SLC35F3: variants seen among roughly 807,000 people sequenced by gnomAD.
The protein encoded by SLC35F3 is solute carrier family 35 member F3.
A neutral mutation model predicts 49.9 loss-of-function variants in SLC35F3; 25 were observed. The observed-to-expected ratio is 0.50, with a 90% CI of 0.37 to 0.70. The LOEUF (loss-of-function observed/expected upper bound fraction) is 0.70. Ranked by LOEUF, SLC35F3 falls within the 30% of genes least tolerant of loss-of-function variation. The pLI is 0.00. For missense variants in SLC35F3, 525 were observed against 639.8 expected (o/e 0.82, Z 1.94); for synonymous variants, 275 against 265.4 (o/e 1.04, Z -0.35).
intron 2 of SLC35F3, among the ~76,000 whole-genome samples, chr1:233,988,535 T>C (rs1263987514): frequency 6.6e-6 from 1 of 152,208 alleles, no homozygotes; most frequent in African/African-American, 2.4e-5. Flanking sequence ...TCTGAGCTCT[T>C]TGAGGGTCCT....
At chr1:234,060,824 T>A (rs779231777) in intron 2 of SLC35F3, among the ~76,000 whole-genome samples, 11 of 152,190 alleles carry the variant, frequency 7.2e-5, no homozygotes, top group Non-Finnish European at 1.2e-4. Flanking sequence ...TCCTGTGTAT[T>A]TGAGTTACAA....
chr1:233,923,255 T>C (rs1662098629), intron 2 of SLC35F3, among the ~76,000 whole-genome samples: 2 of 152,144 alleles, frequency 1.3e-5, no homozygotes, highest in Non-Finnish European at 2.9e-5. Flanking sequence ...GCCATTTTCA[T>C]GATATTGATT....
At chr1:233,990,430 C>G (rs190465375) in intron 2 of SLC35F3, among the ~76,000 whole-genome samples, 168 of 152,190 alleles carry the variant, frequency 1.1e-3, no homozygotes, top group Non-Finnish European at 1.8e-3. Context: ...TCTATTTTTT[C>G]CATTGTTTCT....
intron 2 of SLC35F3, among the ~76,000 whole-genome samples, chr1:233,945,880 A>G (rs1047341081): frequency 6.6e-6 from 1 of 152,232 alleles, no homozygotes; most frequent in Non-Finnish European, 1.5e-5. Flanking sequence ...CAGCAATCTC[A>G]GGTATGTCTT....
rs374573404 is a variant in SLC35F3 at position 234,075,755 on chromosome 1, A to AGCTGCCTTTCCTTTTGTTC, written c.284-155661_284-155643dup. Among the ~76,000 whole-genome samples, 1,089 of 152,370 alleles carry AGCTGCCTTTCCTTTTGTTC rather than the reference A, an allele frequency of 7.1e-3. 6 individuals are homozygous for AGCTGCCTTTCCTTTTGTTC. The highest frequency in any genetic ancestry group is 0.021 in the African/African-American group (880 of 41,586). On this transcript the variant is annotated intron_variant, in intron 2 of 7. Coordinates refer to ENST00000366618, the MANE Select transcript of SLC35F3 (RefSeq NM_173508.4). The stretch of plus-strand genomic sequence containing the variant: ...AAGCTGGAAGCTGAGTCTTGCAAGA[A>AGCTGCCTTTCCTTTTGTTC]GCTGCCTTTCCTTTTGTTCCTAAGC...
intron 2 of SLC35F3, among the ~76,000 whole-genome samples, chr1:233,937,079 C>A (rs1366725905): frequency 6.6e-6 from 1 of 152,082 alleles, no homozygotes; most frequent in Non-Finnish European, 1.5e-5. Context: ...TCCCATCTAC[C>A]CCCATGAATC....
intron 2 of SLC35F3, among the ~76,000 whole-genome samples, chr1:234,155,535 A>G (rs561741032): frequency 6.6e-6 from 1 of 152,150 alleles, no homozygotes; most frequent in East Asian, 1.9e-4. Flanking sequence ...TCAGTTTCCC[A>G]AGTAGCTGGG....
At chr1:234,106,269 CTG>C (rs1323665008) in intron 2 of SLC35F3, among the ~76,000 whole-genome samples, 2 of 152,186 alleles carry the variant, frequency 1.3e-5, no homozygotes, top group African/African-American at 4.8e-5. Context: ...GGGTAAGTGT[CTG>C]CTGGGGACTT....
chr1:234,157,858 A>G (rs1558245198), intron 2 of SLC35F3, among the ~76,000 whole-genome samples: 2 of 152,248 alleles, frequency 1.3e-5, no homozygotes, highest in African/African-American at 2.4e-5. Flanking sequence ...GAGGAAAAAC[A>G]GGAAAGTATT....
chr1:234,122,512 T>C (rs1665590846), intron 2 of SLC35F3, among the ~76,000 whole-genome samples: 1 of 152,190 alleles, frequency 6.6e-6, no homozygotes, highest in Admixed American at 6.5e-5. Flanking sequence ...GCAGGTGTGT[T>C]ACATAGGTAT....
chr1:234,077,945 A>G (rs1664820845), intron 2 of SLC35F3, among the ~76,000 whole-genome samples: 1 of 152,148 alleles, frequency 6.6e-6, no homozygotes, highest in South Asian at 2.1e-4. Context: ...AGAATATGAA[A>G]GATGTCAGGG....
chr1:234,197,704 C>T (rs1572091085), intron 2 of SLC35F3, among the ~76,000 whole-genome samples: 2 of 152,232 alleles, frequency 1.3e-5, no homozygotes, highest in South Asian at 4.1e-4. Context: ...CCTGCTCTCA[C>T]TCCCCACGGA....
At chr1:234,129,044 A>C (rs1665694274) in intron 2 of SLC35F3, among the ~76,000 whole-genome samples, 1 of 152,262 alleles carries the variant, frequency 6.6e-6, no homozygotes, top group Non-Finnish European at 1.5e-5. Flanking sequence ...GATTTGTCGC[A>C]GTTGAACACA....
chr1:234,140,219 A>G (rs1003281181), intron 2 of SLC35F3, among the ~76,000 whole-genome samples: 5 of 152,050 alleles, frequency 3.3e-5, no homozygotes, highest in African/African-American at 1.2e-4. Context: ...TTTTCCATTT[A>G]CGTCACAATG....
At chr1:234,029,081 T>C (rs1028493940) in intron 2 of SLC35F3, among the ~76,000 whole-genome samples, 13 of 152,222 alleles carry the variant, frequency 8.5e-5, no homozygotes, top group Middle Eastern at 3.2e-3. Context: ...AAATTCTGTT[T>C]CTTTCATTCG....
chr1:234,152,102 GA>G (rs1383253530), intron 2 of SLC35F3, among the ~76,000 whole-genome samples: 6 of 138,030 alleles, frequency 4.3e-5, no homozygotes, highest in African/African-American at 1.4e-4. Context: ...TTAGAGAAAA[GA>G]AAAAAATTTA....
chr1:234,208,278 G>C (rs1338240043), intron 2 of SLC35F3, among the ~76,000 whole-genome samples: 1 of 152,150 alleles, frequency 6.6e-6, no homozygotes, highest in Non-Finnish European at 1.5e-5. Flanking sequence ...TCGTAAAGTG[G>C]GACTATAGAT....
chr1:234,285,072 G>A, intron 3 of SLC35F3: 1 of 234,126 alleles, frequency 4.3e-6, no homozygotes, highest in Non-Finnish European at 8.3e-6. Flanking sequence ...GGGGAACCCT[G>A]CAGAGGAGCT....
At chr1:233,908,852 C>T (rs1329971004) in intron 2 of SLC35F3, among the ~76,000 whole-genome samples, 1 of 149,056 alleles carries the variant, frequency 6.7e-6, no homozygotes, top group African/African-American at 2.5e-5. Context: ...GCCCAGCTTC[C>T]CCAAATAATA....
Sources: allele counts gnomAD v4.1 joint callset (sites outside exome capture counted in the v4.1 genomes callset), GRCh38; gene constraint gnomAD v4.1.1; transcripts MANE v1.5; gene names NCBI Gene and HGNC (gene_info 2026-07-23, HGNC 2026-07-21).